The following CHST9 variants were observed in gnomAD, a reference collection of about 807,000 sequenced individuals.
The protein encoded by CHST9 is carbohydrate sulfotransferase 9.
A neutral mutation model predicts 44.4 loss-of-function variants in CHST9; 41 were observed. The ratio of observed to expected loss-of-function variants is 0.92; its 90% CI spans 0.72 to 1.20. The LOEUF is 1.20. Ranked by LOEUF, CHST9 falls within the 50% of genes most tolerant of loss-of-function variation. CHST9 has a pLI of 0.00. For synonymous variants in CHST9, 171 were observed against 178.4 expected (o/e 0.96, Z 0.33); for missense variants, 504 against 516.5 (o/e 0.98, Z 0.23).
At chr18:27,126,870 T>C (rs1240207015) in intron 2 of CHST9, among the ~76,000 whole-genome samples, 1 of 152,028 alleles carries the variant, frequency 6.6e-6, no homozygotes, top group African/African-American at 2.4e-5. Flanking sequence ...AATTGTGACA[T>C]AGACTGAGGC....
intron 1 of CHST9, among the ~76,000 whole-genome samples, chr18:27,154,380 T>C (rs113028163): frequency 0.018 from 2,676 of 152,140 alleles, 65 homozygotes; most frequent in African/African-American, 0.059. Flanking sequence ...GTAAGAGGTA[T>C]GGGTGGAGAC....
intron 4 of CHST9, among the ~76,000 whole-genome samples, chr18:26,948,308 G>A (rs925369301): frequency 4.6e-5 from 7 of 152,110 alleles, no homozygotes; most frequent in African/African-American, 1.4e-4. Flanking sequence ...ATGATGGGTT[G>A]ATGGGTGCAG....
At chr18:27,070,506 T>A (rs2057826979) in intron 2 of CHST9, among the ~76,000 whole-genome samples, 1 of 152,236 alleles carries the variant, frequency 6.6e-6, no homozygotes, top group Non-Finnish European at 1.5e-5. Flanking sequence ...GTCAAACCTT[T>A]TAGCCTGCCA....
At chr18:27,169,016 T>C (rs9966141) in intron 1 of CHST9, among the ~76,000 whole-genome samples, 68,101 of 151,706 alleles carry the variant, frequency 0.45, 15,798 homozygotes, top group East Asian at 0.64. Flanking sequence ...GGAGTTGAAG[T>C]CATCAGTCCT....
chr18:27,104,785 C>A (rs2058206242), intron 2 of CHST9, among the ~76,000 whole-genome samples: 1 of 152,024 alleles, frequency 6.6e-6, no homozygotes, highest in African/African-American at 2.4e-5. Flanking sequence ...TTATAGCCCA[C>A]AGATTATTTA....
chr18:27,089,645 T>C (rs2058047989), intron 2 of CHST9, among the ~76,000 whole-genome samples: 1 of 152,168 alleles, frequency 6.6e-6, no homozygotes, highest in African/African-American at 2.4e-5. Context: ...CCTTTGGGTA[T>C]ATACCCAGTA....
At chr18:27,045,582 A>G (rs1220250713) in intron 3 of CHST9, among the ~76,000 whole-genome samples, 3 of 152,026 alleles carry the variant, frequency 2.0e-5, no homozygotes, top group Non-Finnish European at 4.4e-5. Flanking sequence ...ACTTATCATT[A>G]TATCACCATA....
In CHST9 at chr18:26,937,508, A is replaced by C. The variant is rs527489633; in HGVS notation, c.240+6821T>G. 2.0e-5 allele frequency among the ~76,000 whole-genome samples: 3 copies of C among 152,264 alleles called. No individual in the cohort carries two copies. The South Asian group carries it at 6.2e-4, about 32-fold the overall frequency. On this transcript the variant is annotated intron_variant, in intron 5 of 5. Coordinates refer to ENST00000618847, the MANE Select transcript of CHST9 (RefSeq NM_031422.6). The stretch of plus-strand genomic sequence containing the variant: ...TGTGGAGAGAAAGGAATTCAGAATG[A>C]GATACACCTGGATTCACATTTGAGG...
intron 4 of CHST9, among the ~76,000 whole-genome samples, chr18:27,001,828 A>C (rs1050898037): frequency 3.9e-5 from 6 of 152,126 alleles, no homozygotes; most frequent in African/African-American, 1.4e-4. Context: ...GGATTGGCAC[A>C]CTCAGGTGAG....
At chr18:26,943,655 G>C (rs1165795803) in intron 5 of CHST9, among the ~76,000 whole-genome samples, 1 of 152,200 alleles carries the variant, frequency 6.6e-6, no homozygotes, top group Non-Finnish European at 1.5e-5. Flanking sequence ...AGCTAAGCTG[G>C]CCTGGGGAAA....
At chr18:26,968,786 A>G (rs4800778) in intron 4 of CHST9, among the ~76,000 whole-genome samples, 52,735 of 151,758 alleles carry the variant, frequency 0.35, 9,680 homozygotes, top group East Asian at 0.46. Flanking sequence ...TAAAAATTTG[A>G]CACATTTGAA....
rs2055490964 is a variant in CHST9 at position 26,914,881 on chromosome 18, G to C, written c.*1378C>G. On this transcript the variant is annotated 3_prime_UTR_variant, in exon 6 of 6. Transcript: ENST00000618847. ...ATGTTCAGGAAAAGCATTTAAGCAG[G>C]GTTTGAAAGACTTGTGATTTTCTTA... is the stretch of plus-strand genomic sequence containing the variant. 1 of 397,578 alleles carries C rather than the reference G, an allele frequency of 2.5e-6. No individual in the cohort carries two copies. The highest frequency in any genetic ancestry group is 4.4e-6 in the Non-Finnish European group (1 of 225,484). The allele number at this position is 397,578 out of a possible 1,614,324, so 24.6% of individuals were successfully genotyped here.
At chr18:27,015,118 C>T (rs989891314) in intron 4 of CHST9, among the ~76,000 whole-genome samples, 1 of 151,994 alleles carries the variant, frequency 6.6e-6, no homozygotes, top group Non-Finnish European at 1.5e-5. Context: ...TAATGTGATC[C>T]CAAAGCTCAA....
At chr18:26,968,141 A>T (rs561195578) in intron 4 of CHST9, among the ~76,000 whole-genome samples, 13 of 152,166 alleles carry the variant, frequency 8.5e-5, no homozygotes, top group Admixed American at 8.5e-4. Context: ...CTGTGACTCA[A>T]TTCTTCTAAT....
chr18:27,172,395 G>A (rs544345135), intron 1 of CHST9, among the ~76,000 whole-genome samples: 1 of 151,970 alleles, frequency 6.6e-6, no homozygotes, highest in African/African-American at 2.4e-5. Flanking sequence ...AGTGGTATGA[G>A]TGTCCTTTGT....
At chr18:27,160,707 C>T (rs1393370959) in intron 1 of CHST9, among the ~76,000 whole-genome samples, 1 of 152,164 alleles carries the variant, frequency 6.6e-6, no homozygotes, top group South Asian at 2.1e-4. Flanking sequence ...CCTTGTACCT[C>T]TAGTATAATT....
chr18:27,113,729 T>C (rs986254239), intron 2 of CHST9, among the ~76,000 whole-genome samples: 1 of 152,192 alleles, frequency 6.6e-6, no homozygotes, highest in Non-Finnish European at 1.5e-5. Context: ...GTTTCTAGAA[T>C]GATGAGACAT....
At chr18:26,983,365 C>T (rs996068354) in intron 4 of CHST9, among the ~76,000 whole-genome samples, 2 of 152,140 alleles carry the variant, frequency 1.3e-5, no homozygotes, top group African/African-American at 4.8e-5. Context: ...GGTGGATCCC[C>T]TCATGGCTTG....
chr18:26,991,491 A>G (rs985991654), intron 4 of CHST9, among the ~76,000 whole-genome samples: 12 of 140,918 alleles, frequency 8.5e-5, no homozygotes, highest in Admixed American at 3.8e-4. Context: ...AGTTGGATAT[A>G]TAAAGCTGGG....
Sources: allele counts gnomAD v4.1 joint callset (sites outside exome capture counted in the v4.1 genomes callset), GRCh38; gene constraint gnomAD v4.1.1; transcripts MANE v1.5; gene names NCBI Gene and HGNC (gene_info 2026-07-23, HGNC 2026-07-21).